PTPRD: variants seen among roughly 807,000 people sequenced by gnomAD.
PTPRD encodes the protein receptor-type tyrosine-protein phosphatase delta.
In PTPRD, 34 loss-of-function variants were observed where a neutral mutation model predicts 214.5. The observed-to-expected ratio is 0.16, with a 90% CI of 0.12 to 0.21. The LOEUF (loss-of-function observed/expected upper bound fraction) is 0.21. Ranked by LOEUF, PTPRD falls within the 10% of genes least tolerant of loss-of-function variation. PTPRD has a pLI of 1.00. For missense variants in PTPRD, 2,545 were observed against 2,398.7 expected (o/e 1.06, Z -1.27); for synonymous variants, 1,128 against 845.7 (o/e 1.33, Z -5.79).
intron 14 of PTPRD, among the ~76,000 whole-genome samples, chr9:8,575,633 G>C (rs941353488): frequency 1.3e-5 from 2 of 152,058 alleles, no homozygotes; most frequent in Non-Finnish European, 2.9e-5. Context: ...CAACAATGAA[G>C]TACTTAAGTC....
chr9:10,082,216 C>T (rs114943346), intron 3 of PTPRD, among the ~76,000 whole-genome samples: 1 of 151,994 alleles, frequency 6.6e-6, no homozygotes, highest in Non-Finnish European at 1.5e-5. Flanking sequence ...GAATAATAAA[C>T]GTTAAAGGAT....
chr9:10,221,155 A>G (rs1179567195), intron 3 of PTPRD, among the ~76,000 whole-genome samples: 2 of 149,558 alleles, frequency 1.3e-5, no homozygotes, highest in African/African-American at 4.9e-5. Context: ...ATGTCTTCCT[A>G]TAAAGAACAT....
intron 12 of PTPRD, among the ~76,000 whole-genome samples, chr9:8,701,123 T>C (rs1278599463): frequency 6.6e-6 from 1 of 151,928 alleles, no homozygotes. Flanking sequence ...ATCATGCCAC[T>C]GTACTCCAGC....
chr9:9,428,554 T>C (rs1477897116), intron 8 of PTPRD, among the ~76,000 whole-genome samples: 1 of 152,202 alleles, frequency 6.6e-6, no homozygotes, highest in Non-Finnish European at 1.5e-5. Context: ...CAAGTGGACT[T>C]AATAAACATC....
At chr9:10,028,041 C>T (rs1390404877) in intron 4 of PTPRD, among the ~76,000 whole-genome samples, 1 of 152,104 alleles carries the variant, frequency 6.6e-6, no homozygotes, top group Non-Finnish European at 1.5e-5. Context: ...ATGTTGAATT[C>T]CCATGTGTTG....
At chr9:9,786,691 G>T (rs1038361517) in intron 5 of PTPRD, among the ~76,000 whole-genome samples, 1 of 152,074 alleles carries the variant, frequency 6.6e-6, no homozygotes, top group Non-Finnish European at 1.5e-5. Flanking sequence ...GTTAATGGGT[G>T]CAGCACACCA....
intron 37 of PTPRD, among the ~76,000 whole-genome samples, chr9:8,388,804 T>C (rs540675652): frequency 6.6e-6 from 1 of 152,300 alleles, no homozygotes; most frequent in East Asian, 1.9e-4. Flanking sequence ...AAAGCCTCTT[T>C]CACAGAACTT....
intron 12 of PTPRD, among the ~76,000 whole-genome samples, chr9:8,650,767 T>C (rs1465865450): frequency 1.3e-5 from 2 of 152,202 alleles, no homozygotes; most frequent in Admixed American, 6.5e-5. Context: ...ACCTAACATG[T>C]TGTAGGCATT....
chr9:9,123,183 G>C (rs1449179316), intron 10 of PTPRD, among the ~76,000 whole-genome samples: 1 of 152,176 alleles, frequency 6.6e-6, no homozygotes, highest in East Asian at 1.9e-4. Flanking sequence ...TTTGCGGTTA[G>C]ATTTAGGGTC....
intron 7 of PTPRD, among the ~76,000 whole-genome samples, chr9:9,668,215 A>C (rs571209064): frequency 2.4e-3 from 371 of 152,280 alleles, no homozygotes; most frequent in African/African-American, 8.4e-3. Flanking sequence ...CGATAAAACG[A>C]AATCATTCTA....
intron 11 of PTPRD, among the ~76,000 whole-genome samples, chr9:8,921,928 C>CAGAAGAAG (rs2098830695): frequency 6.6e-6 from 1 of 152,044 alleles, no homozygotes; most frequent in South Asian, 2.1e-4. Context: ...AAACTGGACA[C>CAGAAGAAG]AGAAGAAGAG....
intron 5 of PTPRD, among the ~76,000 whole-genome samples, chr9:9,859,787 A>G (rs527995445): frequency 1.3e-5 from 2 of 152,312 alleles, no homozygotes; most frequent in African/African-American, 4.8e-5. Flanking sequence ...TCCTTACCAA[A>G]GTAATTTGTT....
rs565638451 is a variant in PTPRD, at chr9:9,584,359, C to CATTATT, written c.-286-9584_-286-9579dup. On this transcript the variant is annotated intron_variant, in intron 7 of 45. Transcript: ENST00000381196. ...ACATTAAAACATTTTATTTCATCACCATTATTATTATTATTATTATTTGCT... is the reference window on the plus strand; with the variant it reads ...ACATTAAAACATTTTATTTCATCACCATTATTATTATTATTATTATTATTATTTGCT... Among the ~76,000 whole-genome samples the CATTATT allele has an allele frequency of 1.8e-3, 276 of 149,208 alleles. 1 individual carries two copies. Among genetic ancestry groups the CATTATT allele is most frequent in the African/African-American group, 6.2e-3 (251 of 40,610 alleles).
intron 9 of PTPRD, among the ~76,000 whole-genome samples, chr9:9,240,640 T>A (rs1264210111): frequency 6.6e-6 from 1 of 152,194 alleles, no homozygotes; most frequent in Non-Finnish European, 1.5e-5. Context: ...ATTTGATATA[T>A]TAAAATATAT....
At chr9:10,008,262 C>G (rs2096529392) in intron 4 of PTPRD, among the ~76,000 whole-genome samples, 1 of 151,856 alleles carries the variant, frequency 6.6e-6, no homozygotes, top group African/African-American at 2.4e-5. Flanking sequence ...ACTTTCATTC[C>G]TAAAAGTTGA....
intron 5 of PTPRD, among the ~76,000 whole-genome samples, chr9:9,930,395 AAG>A (rs2086053409): frequency 6.6e-6 from 1 of 152,228 alleles, no homozygotes; most frequent in African/African-American, 2.4e-5. Context: ...AAGTCTGAGA[AAG>A]AGACTGTTAA....
intron 14 of PTPRD, among the ~76,000 whole-genome samples, chr9:8,631,608 C>A (rs1185786932): frequency 6.6e-6 from 1 of 151,762 alleles, no homozygotes; most frequent in Non-Finnish European, 1.5e-5. Context: ...GAGTATTGCA[C>A]AGTAGGAATA....
intron 11 of PTPRD, among the ~76,000 whole-genome samples, chr9:8,740,760 A>T (rs2091720274): frequency 6.6e-6 from 1 of 152,230 alleles, no homozygotes; most frequent in African/African-American, 2.4e-5. Flanking sequence ...AAAAACAACA[A>T]GAGGTAGTTT....
At chr9:10,017,307 A>G (rs570420611) in intron 4 of PTPRD, among the ~76,000 whole-genome samples, 27 of 151,978 alleles carry the variant, frequency 1.8e-4, no homozygotes, top group Admixed American at 1.0e-3. Flanking sequence ...TTTTTTATCA[A>G]TGTTCAGGAG....
Sources: gnomAD v4.1 joint callset for allele counts (sites outside exome capture counted in the v4.1 genomes callset) on GRCh38, gnomAD v4.1.1 for gene constraint, MANE v1.5 for transcripts, NCBI Gene and HGNC (gene_info 2026-07-23, HGNC 2026-07-21) for gene names.